KCNMB4: variants seen among roughly 807,000 people sequenced by gnomAD.
The protein encoded by KCNMB4 is calcium-activated potassium channel subunit beta-4.
Under a neutral mutation model 20.7 loss-of-function variants are expected in KCNMB4, and 3 were observed. The observed-to-expected ratio is 0.14, with a 90% CI of 0.07 to 0.37. The LOEUF is 0.37. KCNMB4 is among the 10% of genes least tolerant of loss of function. KCNMB4 has a pLI of 1.00. For missense variants in KCNMB4, 168 were observed against 265.9 expected, an observed-to-expected ratio of 0.63 and a Z score of 2.56; for synonymous variants, 110 against 113.4, an observed-to-expected ratio of 0.97 and a Z score of 0.19.
intron 2 of KCNMB4, among the ~76,000 whole-genome samples, chr12:70,406,038 A>G (rs553528414): frequency 6.6e-6 from 1 of 152,296 alleles, no homozygotes; most frequent in South Asian, 2.1e-4. Flanking sequence ...AAAGGCAAAT[A>G]CTGTATGATT....
chr12:70,391,592 C>T (rs549678360), intron 1 of KCNMB4, among the ~76,000 whole-genome samples: 2 of 152,324 alleles, frequency 1.3e-5, no homozygotes, highest in East Asian at 3.9e-4. Context: ...AGGTGTGAGC[C>T]ACTGCGCCTG....
At chr12:70,397,205 C>G (rs556858235) in intron 1 of KCNMB4, among the ~76,000 whole-genome samples, 56 of 152,070 alleles carry the variant, frequency 3.7e-4, no homozygotes, top group African/African-American at 1.3e-3. Flanking sequence ...AAAAAATTAG[C>G]TGGGTGTGGT....
intron 1 of KCNMB4, among the ~76,000 whole-genome samples, chr12:70,393,750 A>G (rs1375304679): frequency 1.3e-5 from 2 of 152,170 alleles, no homozygotes; most frequent in African/African-American, 4.8e-5. Flanking sequence ...TTACAGAAAC[A>G]TTTAAGGAGA....
At chr12:70,379,782 T>C (rs1046937026) in intron 1 of KCNMB4, among the ~76,000 whole-genome samples, 1 of 152,242 alleles carries the variant, frequency 6.6e-6, no homozygotes, top group African/African-American at 2.4e-5. Flanking sequence ...TGTTAGCTTC[T>C]GTAGCTTCCT....
At chr12:70,416,577 G>C (rs568756225) in intron 2 of KCNMB4, among the ~76,000 whole-genome samples, 6 of 152,202 alleles carry the variant, frequency 3.9e-5, no homozygotes, top group Admixed American at 6.5e-5. Context: ...GCATATTTCT[G>C]TATAGTATTT....
At chr12:70,374,600 T>C (rs1883654428) in intron 1 of KCNMB4, among the ~76,000 whole-genome samples, 1 of 152,296 alleles carries the variant, frequency 6.6e-6, no homozygotes, top group Non-Finnish European at 1.5e-5. Context: ...TAAATCATTG[T>C]GTTTATTAAG....
intron 1 of KCNMB4, among the ~76,000 whole-genome samples, chr12:70,372,361 A>G (rs946115542): frequency 3.9e-5 from 6 of 152,226 alleles, no homozygotes; most frequent in Non-Finnish European, 8.8e-5. Context: ...TGCTGAGTTG[A>G]AAACAGAATT....
At position 70,366,685 on chromosome 12, in the gene KCNMB4, G is replaced by T; in HGVS notation, c.-50G>T. On this transcript the variant is annotated 5_prime_UTR_variant, in exon 1 of 3. Coordinates refer to ENST00000258111, the MANE Select transcript of KCNMB4 (RefSeq NM_014505.6). Reference sequence around the variant, plus strand: ...CCCGAGGCAGTCGGGCTCGGCGCCGGGGGCGGGAGGGGGCGGGGGGAGCAC... The same window carrying T: ...CCCGAGGCAGTCGGGCTCGGCGCCGTGGGCGGGAGGGGGCGGGGGGAGCAC... 1 of 1,363,738 alleles carries T rather than the reference G, an allele frequency of 7.3e-7. No homozygotes were observed. Among genetic ancestry groups the T allele is most frequent in the Middle Eastern group, 2.7e-4 (1 of 3,708 alleles). The allele number at this position is 1,363,738 out of a possible 1,614,324, so 84.5% of individuals were successfully genotyped here.
intron 2 of KCNMB4, among the ~76,000 whole-genome samples, chr12:70,424,627 G>A (rs908734155): frequency 6.6e-6 from 1 of 151,370 alleles, no homozygotes; most frequent in Admixed American, 6.6e-5. Context: ...GCACACGCCT[G>A]TAATCCCAGC....
chr12:70,400,632 A>G (rs1868424696), intron 2 of KCNMB4, among the ~76,000 whole-genome samples: 1 of 152,228 alleles, frequency 6.6e-6, no homozygotes, highest in South Asian at 2.1e-4. Context: ...CAGATTTGCC[A>G]GCACTTTTAG....
chr12:70,368,176 C>T (rs1269815930), intron 1 of KCNMB4, among the ~76,000 whole-genome samples: 1 of 152,004 alleles, frequency 6.6e-6, no homozygotes, highest in Non-Finnish European at 1.5e-5. Flanking sequence ...CTTGTGTTCA[C>T]AGGAAAACTT....
chr12:70,401,893 A>G (rs1254113694), intron 2 of KCNMB4, among the ~76,000 whole-genome samples: 1 of 152,110 alleles, frequency 6.6e-6, no homozygotes, highest in African/African-American at 2.4e-5. Context: ...AATTTGAATA[A>G]TATCACTTCT....
chr12:70,406,786 G>T (rs1322701999), intron 2 of KCNMB4, among the ~76,000 whole-genome samples: 1 of 152,176 alleles, frequency 6.6e-6, no homozygotes, highest in Non-Finnish European at 1.5e-5. Context: ...GTCTCCTCCT[G>T]TCAGGGCATG....
intron 2 of KCNMB4, among the ~76,000 whole-genome samples, chr12:70,429,334 C>T (rs1171615473): frequency 3.9e-5 from 6 of 152,040 alleles, no homozygotes; most frequent in African/African-American, 7.2e-5. Flanking sequence ...GTGGATGAAA[C>T]GGAAATATCT....
chr12:70,383,508 C>T (rs1476854248), intron 1 of KCNMB4, among the ~76,000 whole-genome samples: 2 of 152,128 alleles, frequency 1.3e-5, no homozygotes, highest in African/African-American at 4.8e-5. Flanking sequence ...GCTGCCATAA[C>T]AAAGTACTAC....
intron 1 of KCNMB4, among the ~76,000 whole-genome samples, chr12:70,395,192 A>G (rs1868340698): frequency 6.8e-6 from 1 of 147,398 alleles, no homozygotes; most frequent in African/African-American, 2.6e-5. Flanking sequence ...TTTGGAAATC[A>G]TTTAATCAGC....
intron 2 of KCNMB4, among the ~76,000 whole-genome samples, chr12:70,420,166 C>T (rs141416673): frequency 6.6e-6 from 1 of 152,246 alleles, no homozygotes; most frequent in Admixed American, 6.5e-5. Flanking sequence ...GGATAGAAAA[C>T]TTGTGCTAGT....
rs1283952926 is a variant in KCNMB4, at chr12:70,400,301, C to T, written c.429C>T (p.Ser143=). ...WQQYWKDEIG[S]QPFTCYFNQH... is the part of the protein sequence containing the mutation. ...AGTACTGGAAAGATGAGATTGGTTC[C>T]CAGCCATTTACTTGCTATTTTAATC... Residue 143 remains serine (S), a synonymous_variant, in exon 2 of 3, where the codon TCC becomes TCT. Transcript: ENST00000258111. 4 of 1,605,934 alleles carry T rather than the reference C, an allele frequency of 2.5e-6. No homozygotes were observed. The highest frequency in any genetic ancestry group is 3.4e-6 in the Non-Finnish European group (4 of 1,178,062).
chr12:70,420,872 C>A (rs1411885880), intron 2 of KCNMB4, among the ~76,000 whole-genome samples: 1 of 151,902 alleles, frequency 6.6e-6, no homozygotes, highest in Non-Finnish European at 1.5e-5. Context: ...TCCTGGCTAA[C>A]ACGGTGAAAC....
Sources: gnomAD v4.1 joint callset for allele counts (sites outside exome capture counted in the v4.1 genomes callset) on GRCh38, gnomAD v4.1.1 for gene constraint, MANE v1.5 for transcripts, NCBI Gene and HGNC (gene_info 2026-07-23, HGNC 2026-07-21) for gene names.